The following DNMBP variants were observed in gnomAD, a reference collection of about 807,000 sequenced individuals.
The protein encoded by DNMBP is dynamin-binding protein.
DNMBP carries 87 observed loss-of-function variants against 150.0 expected under a neutral mutation model. That is an observed-to-expected ratio of 0.58 (90% CI 0.49 to 0.69). The LOEUF (loss-of-function observed/expected upper bound fraction) is 0.69. Among genes scored for constraint, DNMBP ranks in the 30% least tolerant of loss-of-function variants. The pLI is 0.00. For synonymous variants in DNMBP, 711 were observed against 750.4 expected (o/e 0.95, Z 0.86); for missense variants, 1,774 against 1,949.0 (o/e 0.91, Z 1.69).
At chr10:99,990,722 C>T (rs183751743) in intron 1 of DNMBP, among the ~76,000 whole-genome samples, 155 of 150,678 alleles carry the variant, frequency 1.0e-3, no homozygotes, top group Non-Finnish European at 1.8e-3. Flanking sequence ...CACATATACA[C>T]ACAAATATAC....
intron 1 of DNMBP, among the ~76,000 whole-genome samples, chr10:99,989,046 G>A (rs936419775): frequency 2.6e-5 from 4 of 151,966 alleles, no homozygotes; most frequent in African/African-American, 4.8e-5. Flanking sequence ...TAATATATAC[G>A]CTAGTAGACA....
At chr10:99,917,702 A>G (rs1457180411) in intron 4 of DNMBP, among the ~76,000 whole-genome samples, 1 of 152,068 alleles carries the variant, frequency 6.6e-6, no homozygotes, top group Non-Finnish European at 1.5e-5. Flanking sequence ...GCGGTGGCTC[A>G]TGCCTGCAAT....
chr10:99,885,864 T>C lies in DNMBP; in HGVS notation c.3621A>G (p.Leu1207=). The C allele has an allele frequency of 6.2e-7, 1 of 1,610,234 alleles. No individual in the cohort carries two copies. The highest frequency in any genetic ancestry group is 1.1e-5 in the South Asian group (1 of 90,180). The change falls in exon 14 of 17, where the codon TTA becomes TTG. Residue 1207 remains leucine (L), a splice_region_variant and synonymous_variant. Coordinates refer to ENST00000324109, the MANE Select transcript of DNMBP (RefSeq NM_015221.4). The part of the protein sequence containing the change: ...ALEQLKPLLS[L]LKVAGREGNL... The stretch of plus-strand genomic sequence containing the variant: ...TTCCCTCTCTGCCAGCCACTTTGAG[T>C]AACTGGGGTCCATGGGAAGAGCAGA...
chr10:99,894,320 T>A (rs1251559686), intron 11 of DNMBP, among the ~76,000 whole-genome samples: 1 of 152,170 alleles, frequency 6.6e-6, no homozygotes, highest in African/African-American at 2.4e-5. Flanking sequence ...CATCCTATAT[T>A]AAATCAATAG....
At chr10:99,935,486 A>G (rs1344531781) in intron 4 of DNMBP, among the ~76,000 whole-genome samples, 1 of 152,130 alleles carries the variant, frequency 6.6e-6, no homozygotes, top group Non-Finnish European at 1.5e-5. Flanking sequence ...TGTTGGGCTC[A>G]AGCAGTCTTC....
chr10:99,939,097 AGGAAAAAAG>A (rs1011987881), intron 4 of DNMBP, among the ~76,000 whole-genome samples: 6 of 152,036 alleles, frequency 3.9e-5, no homozygotes, highest in Non-Finnish European at 5.9e-5. Flanking sequence ...AGAAGGGTAA[AGGAAAAAAG>A]GGAGAAAAGT....
chr10:100,009,757 C>T (rs1176717041), intron 1 of DNMBP, 81 bp downstream of exon 1: 2 of 150,150 alleles, frequency 1.3e-5, no homozygotes, highest in African/African-American at 2.4e-5. Context: ...GGGTGCGGGT[C>T]CCCTCCGCCC....
chr10:99,925,149 C>T (rs2040064591), intron 4 of DNMBP, among the ~76,000 whole-genome samples: 1 of 152,122 alleles, frequency 6.6e-6, no homozygotes, highest in Admixed American at 6.5e-5. Flanking sequence ...TCTGTGCACT[C>T]TGCAGAGAAA....
At chr10:99,945,272 A>G (rs1253968626) in intron 4 of DNMBP, among the ~76,000 whole-genome samples, 1 of 152,228 alleles carries the variant, frequency 6.6e-6, no homozygotes, top group East Asian at 1.9e-4. Flanking sequence ...ATGCAGAGAC[A>G]TTAAGAGTTT....
chr10:99,995,907 A>T (rs1056163866), intron 1 of DNMBP, among the ~76,000 whole-genome samples: 15 of 152,262 alleles, frequency 9.9e-5, no homozygotes, highest in African/African-American at 3.6e-4. Context: ...ATTGATCTAC[A>T]ATGGGCAGTT....
At chr10:99,929,656 T>C (rs1182906491) in intron 4 of DNMBP, 1 of 702,164 alleles carries the variant, frequency 1.4e-6, no homozygotes, top group Non-Finnish European at 2.6e-6. Context: ...CTCAGGGTGC[T>C]GGGTGCTGTG....
At chr10:99,965,632 C>A (rs1044809295) in intron 3 of DNMBP, among the ~76,000 whole-genome samples, 2 of 151,720 alleles carry the variant, frequency 1.3e-5, no homozygotes, top group Non-Finnish European at 2.9e-5. Flanking sequence ...CAAGTAGCTG[C>A]AATTACAGGT....
intron 2 of DNMBP, among the ~76,000 whole-genome samples, chr10:99,970,720 C>A (rs1419594941): frequency 1.3e-5 from 2 of 151,938 alleles, no homozygotes; most frequent in African/African-American, 4.8e-5. Flanking sequence ...CACCTGTAAT[C>A]CCAGCACTTT....
chr10:99,884,551 G>A (rs557973894), intron 14 of DNMBP, among the ~76,000 whole-genome samples: 4 of 152,164 alleles, frequency 2.6e-5, no homozygotes, highest in South Asian at 4.1e-4. Context: ...GGACATTCTC[G>A]GTTAGGTTCA....
At chr10:99,992,290 C>T (rs2040903267) in intron 1 of DNMBP, among the ~76,000 whole-genome samples, 1 of 151,968 alleles carries the variant, frequency 6.6e-6, no homozygotes, top group Non-Finnish European at 1.5e-5. Context: ...ACTATAGAGC[C>T]AGACTACCTA....
At chr10:99,886,173 G>A in intron 13 of DNMBP, 127 bp downstream of exon 13, 1 of 799,588 alleles carries the variant, frequency 1.3e-6, no homozygotes, top group Non-Finnish European at 1.9e-6. Flanking sequence ...TTTCCTGAGG[G>A]ATGAACTAGC....
chr10:99,979,098 A>G (rs1045724191), intron 1 of DNMBP, among the ~76,000 whole-genome samples: 1 of 152,206 alleles, frequency 6.6e-6, no homozygotes, highest in Non-Finnish European at 1.5e-5. Flanking sequence ...TTCAATGAAT[A>G]TTTATCAAGC....
chr10:99,956,134 A>G lies in DNMBP; in HGVS notation c.1340T>C (p.Leu447Pro), dbSNP rs758347782. The change falls in exon 4 of 17, where the codon CTT (leucine) becomes CCT (proline). Residue 447 changes from leucine to proline, a missense_variant. By Grantham distance (98) the Leu-to-Pro change is moderately conservative. Around this residue, in one of 2 missense-constraint regions of DNMBP, gnomAD observed 1,430 missense variants for 1,492.5 expected, o/e 0.96. Transcript: ENST00000324109. ...GTCTCTAGTCCTTGCTTCTAGGGGA[A>G]GAAGGTCGGGGTACTGTTCTGAGTG... ...HPHSEQYPDL[L>P]PLEARTRDYA... The G allele has an allele frequency of 1.9e-6, 3 of 1,614,156 alleles. No homozygotes were observed. Among genetic ancestry groups the G allele is most frequent in the Non-Finnish European group, 2.5e-6 (3 of 1,180,008 alleles).
At position 99,877,279 on chromosome 10, in the gene DNMBP, C is replaced by T; in HGVS notation, c.4606G>A (p.Ala1536Thr). 1 of 1,613,958 alleles carries T rather than the reference C, an allele frequency of 6.2e-7. No individual in the cohort carries two copies. Among genetic ancestry groups the T allele is most frequent in the Non-Finnish European group, 8.5e-7 (1 of 1,179,982 alleles). Residue 1536 changes from alanine to threonine, a missense_variant, in exon 17 of 17, where the codon GCC becomes ACC. By Grantham distance (58) the Ala-to-Thr change is moderately conservative. Coordinates refer to ENST00000324109, the MANE Select transcript of DNMBP (RefSeq NM_015221.4). The part of the protein sequence containing the change: ...ARNPNELSVS[A>T]NQKLKILEFK... ...TCGAGGATCTTGAGTTTCTGATTGG[C>T]TGACACGCTCAGCTCATTTGGGTTT...
Sources: gnomAD v4.1 joint callset for allele counts (sites outside exome capture counted in the v4.1 genomes callset) on GRCh38, gnomAD v4.1.1 for gene constraint, gnomAD v4.1.1 regional missense constraint, MANE v1.5 for transcripts, NCBI Gene and HGNC (gene_info 2026-07-23, HGNC 2026-07-21) for gene names.